The following ARL15 variants were observed in gnomAD, a reference collection of about 807,000 sequenced individuals.
The protein encoded by ARL15 is ADP-ribosylation factor-like protein 15.
A neutral mutation model predicts 25.2 loss-of-function variants in ARL15; 19 were observed. The ratio of observed to expected loss-of-function variants is 0.75; its 90% CI spans 0.53 to 1.10. ARL15 has a LOEUF of 1.10. ARL15 is among the 50% of genes least tolerant of loss of function. The probability of loss-of-function intolerance (pLI) is 0.00; values close to 1 mark genes in which losing one functional copy is unlikely to be tolerated. For missense variants in ARL15, 220 were observed against 246.0 expected (o/e 0.89, Z 0.71); for synonymous variants, 94 against 86.8 (o/e 1.08, Z -0.46).
intron 4 of ARL15, among the ~76,000 whole-genome samples, chr5:54,031,642 G>A (rs1310513936): frequency 2.6e-5 from 4 of 152,150 alleles, no homozygotes; most frequent in African/African-American, 9.6e-5. Flanking sequence ...TGGCCCACCT[G>A]AATGTGCCCC....
chr5:54,075,288 T>C (rs563926533), intron 4 of ARL15, among the ~76,000 whole-genome samples: 5 of 152,162 alleles, frequency 3.3e-5, no homozygotes, highest in African/African-American at 1.2e-4. Flanking sequence ...AAGGTAGGCT[T>C]GAGAAAACTG....
chr5:54,203,656 G>T (rs1365022504), intron 1 of ARL15, among the ~76,000 whole-genome samples: 1 of 152,062 alleles, frequency 6.6e-6, no homozygotes, highest in East Asian at 1.9e-4. Context: ...AGTAACACTG[G>T]TTTTAAGATT....
intron 1 of ARL15, among the ~76,000 whole-genome samples, chr5:54,289,707 C>T (rs1284387826): frequency 6.6e-6 from 1 of 152,154 alleles, no homozygotes; most frequent in Non-Finnish European, 1.5e-5. Context: ...AGTTGCTTAA[C>T]CTCTGTGCAT....
intron 4 of ARL15, among the ~76,000 whole-genome samples, chr5:54,084,934 C>T (rs1419293019): frequency 6.6e-6 from 1 of 152,094 alleles, no homozygotes; most frequent in African/African-American, 2.4e-5. Flanking sequence ...TTTATGAATC[C>T]TTAGTGAGGC....
intron 1 of ARL15, among the ~76,000 whole-genome samples, chr5:54,207,366 C>T (rs944659538): frequency 6.6e-6 from 1 of 152,196 alleles, no homozygotes; most frequent in African/African-American, 2.4e-5. Context: ...CAGTTACAAG[C>T]ATCTAAACAC....
At chr5:54,102,069 G>C (rs1267252581) in intron 4 of ARL15, among the ~76,000 whole-genome samples, 21 of 149,968 alleles carry the variant, frequency 1.4e-4, no homozygotes, top group Admixed American at 8.0e-4. Flanking sequence ...CTGGAGTGCA[G>C]TGATGAGATC....
At chr5:53,991,607 T>G (rs1748500819) in intron 4 of ARL15, among the ~76,000 whole-genome samples, 1 of 149,246 alleles carries the variant, frequency 6.7e-6, no homozygotes, top group Non-Finnish European at 1.5e-5. Context: ...ACACCTTGGC[T>G]CTGTAGCTGA....
chr5:54,017,458 C>T lies in ARL15; in HGVS notation c.462+95744G>A, dbSNP rs540553541. Among the ~76,000 whole-genome samples the T allele has an allele frequency of 1.7e-3, 251 of 152,072 alleles. 1 individual carries two copies. The highest frequency in any genetic ancestry group is 0.01 in the Middle Eastern group (3 of 294). The stretch of plus-strand genomic sequence containing the variant: ...AGAATTATCAGGGGCCCTGCAGCCA[C>T]GATTCTCTAGGCTATTATGATAACT... On this transcript the variant is annotated intron_variant, in intron 4 of 4. Coordinates refer to ENST00000504924, the MANE Select transcript of ARL15 (RefSeq NM_019087.3).
chr5:53,914,147 ACT>A (rs745376817), intron 4 of ARL15, among the ~76,000 whole-genome samples: 1,255 of 107,042 alleles, frequency 0.012, 13 homozygotes, highest in African/African-American at 0.029. Flanking sequence ...CCACACACAC[ACT>A]CTCACACACA....
In ARL15 at chr5:53,937,294, T is replaced by TACACAC. The variant is rs10647066; in HGVS notation, c.463-50587_463-50582dup. Among the ~76,000 whole-genome samples the TACACAC allele has an allele frequency of 2.9e-3, 436 of 149,628 alleles. 1 individual carries two copies. The highest frequency in any genetic ancestry group is 8.3e-3 in the African/African-American group (341 of 40,952). On this transcript the variant is annotated intron_variant, in intron 4 of 4. Coordinates refer to ENST00000504924, the MANE Select transcript of ARL15 (RefSeq NM_019087.3). ...AAATACACATGTGCACGCCTGCGCA[T>TACACAC]ACACACACACACACACACACACAGC...
chr5:54,289,262 G>C (rs1038253173), intron 1 of ARL15, among the ~76,000 whole-genome samples: 52 of 152,070 alleles, frequency 3.4e-4, no homozygotes, highest in African/African-American at 1.3e-3. Flanking sequence ...GGACGGAACA[G>C]TGAGAGCAAA....
chr5:53,954,095 T>TAAAAAA (rs11325411), intron 4 of ARL15, among the ~76,000 whole-genome samples: 1 of 141,242 alleles, frequency 7.1e-6, no homozygotes. Flanking sequence ...ATCTTCTACT[T>TAAAAAA]AAAAAAAAAA....
chr5:54,279,815 A>G (rs1483886497), intron 1 of ARL15, among the ~76,000 whole-genome samples: 1 of 152,190 alleles, frequency 6.6e-6, no homozygotes, highest in Non-Finnish European at 1.5e-5. Context: ...CAGTTCCAAT[A>G]TTCCCAAGTT....
intron 1 of ARL15, among the ~76,000 whole-genome samples, chr5:54,206,617 AT>A (rs1415452295): frequency 3.3e-5 from 5 of 152,214 alleles, no homozygotes; most frequent in African/African-American, 1.2e-4. Flanking sequence ...AGCTGAAATA[AT>A]TAGGAGTTAG....
At chr5:53,961,127 G>A (rs559450725) in intron 4 of ARL15, among the ~76,000 whole-genome samples, 55 of 152,208 alleles carry the variant, frequency 3.6e-4, no homozygotes, top group Non-Finnish European at 6.9e-4. Flanking sequence ...TTATGGTTAG[G>A]CTTGAAATTT....
At chr5:54,167,037 AC>A (rs1754593718) in intron 2 of ARL15, among the ~76,000 whole-genome samples, 2 of 152,270 alleles carry the variant, frequency 1.3e-5, no homozygotes, top group South Asian at 4.1e-4. Flanking sequence ...TACTCCACTT[AC>A]GGCTGACCTT....
At chr5:54,154,979 G>C (rs1439722583) in intron 2 of ARL15, among the ~76,000 whole-genome samples, 1 of 152,008 alleles carries the variant, frequency 6.6e-6, no homozygotes, top group Non-Finnish European at 1.5e-5. Context: ...AAATTAGCTG[G>C]GTGTGGTGGC....
At chr5:53,907,539 C>T (rs12189281) in intron 4 of ARL15, among the ~76,000 whole-genome samples, 30,636 of 115,630 alleles carry the variant, frequency 0.26, 4,180 homozygotes, top group Middle Eastern at 0.45. Flanking sequence ...ACTCTGTCAT[C>T]CAGGCTGGAG....
intron 4 of ARL15, among the ~76,000 whole-genome samples, chr5:54,092,530 C>T (rs1401671662): frequency 6.6e-6 from 1 of 152,108 alleles, no homozygotes; most frequent in Non-Finnish European, 1.5e-5. Flanking sequence ...CCCAGAAGAC[C>T]ATTTCAGTGG....
Sources: allele counts gnomAD v4.1 joint callset (sites outside exome capture counted in the v4.1 genomes callset), GRCh38; gene constraint gnomAD v4.1.1; transcripts MANE v1.5; gene names NCBI Gene and HGNC (gene_info 2026-07-23, HGNC 2026-07-21).